Variants in AKAP12 observed in about 807,000 individuals in gnomAD.
AKAP12 encodes the protein A-kinase anchor protein 12.
Under a neutral mutation model 79.9 loss-of-function variants are expected in AKAP12, and 32 were observed. The ratio of observed to expected loss-of-function variants is 0.40; its 90% CI spans 0.30 to 0.54. AKAP12 has a LOEUF of 0.54. Among genes scored for constraint, AKAP12 ranks in the 20% least tolerant of loss-of-function variants. The pLI is 0.48. For synonymous variants in AKAP12, 808 were observed against 857.0 expected (o/e 0.94, Z 1.00); for missense variants, 2,074 against 2,177.0 (o/e 0.95, Z 0.94).
At chr6:151,259,143 C>G (rs1331453304) in intron 2 of AKAP12, among the ~76,000 whole-genome samples, 4 of 151,476 alleles carry the variant, frequency 2.6e-5, no homozygotes, top group African/African-American at 9.7e-5. Flanking sequence ...CTCCTGGGTT[C>G]AAGCAATTCT....
At chr6:151,321,911 T>TTG (rs1777400324) in intron 3 of AKAP12, among the ~76,000 whole-genome samples, 1 of 144,430 alleles carries the variant, frequency 6.9e-6, no homozygotes, top group Non-Finnish European at 1.5e-5. Flanking sequence ...ATGTTTTTTT[T>TTG]TTTTTTTTTT....
chr6:151,319,660 G>C (rs1193436770), intron 3 of AKAP12: 1 of 155,964 alleles, frequency 6.4e-6, no homozygotes, highest in Non-Finnish European at 1.5e-5. Context: ...AACAGGAGGT[G>C]AGGTCACCCC....
At position 151,259,507 on chromosome 6, in the gene AKAP12, TATATACAC is replaced by T. The variant is rs1406084270; in HGVS notation, c.162+18785_162+18792del. 3.9e-3 allele frequency among the ~76,000 whole-genome samples: 481 copies of T among 122,458 alleles called. 4 individuals are homozygous for T. The highest frequency in any genetic ancestry group is 5.6e-3 in the Non-Finnish European group (348 of 62,086). The allele number at this position is 122,458 out of a possible 152,430, so 80.3% of individuals were successfully genotyped here. A position where few individuals can be genotyped will look rare whatever the true frequency, so the allele number is the denominator to read the frequency against. ...ATACACACACATATACATGTATATA[TATATACAC>T]ACACACACACACACACACACACACA... On this transcript the variant is annotated intron_variant, in intron 2 of 4. Transcript: ENST00000402676.
In AKAP12 at chr6:151,351,898, T is replaced by C. The variant is rs765450412; in HGVS notation, c.3507T>C (p.Ser1169=). The change falls in exon 4 of 5, where the codon AGT becomes AGC. Residue 1169 remains serine, a synonymous_variant. Coordinates refer to ENST00000402676, the MANE Select transcript of AKAP12 (RefSeq NM_005100.4). The surrounding 1 kb of genome is among the most constrained non-coding windows in gnomAD (Gnocchi z 4.4). ...ACTCGGTGGAAACCCCTACAGACAGTGAGACTGATGGAAGCACCCCCGTAG... is the reference window on the plus strand; with the variant it reads ...ACTCGGTGGAAACCCCTACAGACAGCGAGACTGATGGAAGCACCCCCGTAG... ...PPDSVETPTD[S]ETDGSTPVAD... The C allele has an allele frequency of 2.5e-6, 4 of 1,613,636 alleles. No individual in the cohort carries two copies. The South Asian group carries it at 3.3e-5, about 13-fold the overall frequency.
chr6:151,262,252 G>A (rs1435811662), intron 2 of AKAP12, among the ~76,000 whole-genome samples: 1 of 152,168 alleles, frequency 6.6e-6, no homozygotes, highest in African/African-American at 2.4e-5. Context: ...ACTGCGCCCG[G>A]CCCAAAACAA....
intron 2 of AKAP12, among the ~76,000 whole-genome samples, chr6:151,254,372 G>T (rs1236718313): frequency 1.4e-5 from 2 of 143,572 alleles, no homozygotes; most frequent in Non-Finnish European, 3.0e-5. Flanking sequence ...TTTTGTTTGA[G>T]ACGGAGTTTC....
Position 151,351,682 on chromosome 6 carries a change from T to C in AKAP12, c.3291T>C (p.Asp1097=), listed in dbSNP as rs1459084812. 3 of 1,614,158 alleles carry C rather than the reference T, an allele frequency of 1.9e-6. No homozygotes were observed. Among genetic ancestry groups the C allele is most frequent in the Non-Finnish European group, 2.5e-6 (3 of 1,180,036 alleles). The change falls in exon 4 of 5, where the codon GAT becomes GAC. Residue 1097 remains aspartate (D), a synonymous_variant. Transcript: ENST00000402676. The surrounding 1 kb of genome is among the most constrained non-coding windows in gnomAD (Gnocchi z 4.4). ...KKETDVVLKV[D]AQEAKTEPFT... ...AGACGGATGTAGTGTTGAAAGTAGA[T>C]GCTCAGGAGGCAAAAACTGAGCCTT...
chr6:151,276,879 T>G (rs1776299615), intron 2 of AKAP12, among the ~76,000 whole-genome samples: 1 of 152,258 alleles, frequency 6.6e-6, no homozygotes. Flanking sequence ...ACTTGTCCTC[T>G]AAGTCTATCT....
At chr6:151,252,629 G>A (rs915308227) in intron 2 of AKAP12, among the ~76,000 whole-genome samples, 4 of 151,414 alleles carry the variant, frequency 2.6e-5, no homozygotes, top group African/African-American at 9.7e-5. Flanking sequence ...GGCTCATGGT[G>A]GACCTGGTAT....
Position 151,351,614 on chromosome 6 carries a change from G to A in AKAP12, c.3223G>A (p.Glu1075Lys). The A allele has an allele frequency of 6.2e-7, 1 of 1,614,176 alleles. No individual in the cohort carries two copies. Among genetic ancestry groups the A allele is most frequent in the Non-Finnish European group, 8.5e-7 (1 of 1,180,044 alleles). ...VLQPVQRAEA[E>K]RPEEQAEASG... Reference sequence around the variant, plus strand: ...TCAGCCTGTGCAGAGAGCAGAGGCAGAAAGACCAGAAGAGCAGGCTGAAGC... The same window carrying A: ...TCAGCCTGTGCAGAGAGCAGAGGCAAAAAGACCAGAAGAGCAGGCTGAAGC... Residue 1075 changes from glutamate to lysine, a missense_variant, in exon 4 of 5, where the codon GAA (glutamate) becomes AAA (lysine). Glu to Lys is a moderately conservative substitution (Grantham distance 56). Coordinates refer to ENST00000402676, the MANE Select transcript of AKAP12 (RefSeq NM_005100.4). The surrounding 1 kb of genome is among the most constrained non-coding windows in gnomAD (Gnocchi z 4.4).
intron 3 of AKAP12, among the ~76,000 whole-genome samples, chr6:151,338,972 A>G (rs1777882168): frequency 6.6e-6 from 1 of 152,160 alleles, no homozygotes; most frequent in Non-Finnish European, 1.5e-5. Context: ...TTCTTGCTTT[A>G]TCCAGCTTTC....
chr6:151,252,270 C>T lies in AKAP12; in HGVS notation c.162+11546C>T, dbSNP rs539579551. On this transcript the variant is annotated intron_variant, in intron 2 of 4. Transcript: ENST00000402676. ...CTGGAGTGCAGCAGCGCGATCTCAGCTTACTGCACCCCCGCCTCCCGGGTT... is the reference window on the plus strand; with the variant it reads ...CTGGAGTGCAGCAGCGCGATCTCAGTTTACTGCACCCCCGCCTCCCGGGTT... Among the ~76,000 whole-genome samples the T allele has an allele frequency of 1.3e-3, 202 of 151,800 alleles. No homozygotes were observed. In the Middle Eastern group the frequency reaches 0.031, roughly 23 times the overall value.
chr6:151,319,484 T>C (rs1024987102), intron 3 of AKAP12, among the ~76,000 whole-genome samples: 2 of 134,642 alleles, frequency 1.5e-5, no homozygotes, highest in African/African-American at 3.3e-5. Context: ...TATCTATCTA[T>C]CTACTATCTA....
intron 2 of AKAP12, among the ~76,000 whole-genome samples, chr6:151,276,166 C>CA (rs1430747758): frequency 3.9e-5 from 6 of 151,960 alleles, no homozygotes; most frequent in African/African-American, 1.5e-4. Context: ...CAGTGTAGAA[C>CA]AAAAAATCTT....
intron 3 of AKAP12, among the ~76,000 whole-genome samples, chr6:151,314,091 A>G (rs936685643): frequency 1.3e-5 from 2 of 149,066 alleles, no homozygotes; most frequent in Non-Finnish European, 3.0e-5. Flanking sequence ...ACAGTGGTGC[A>G]GTCTCAGCTC....
intron 2 of AKAP12, among the ~76,000 whole-genome samples, chr6:151,298,019 T>G (rs1299881398): frequency 6.6e-6 from 1 of 151,434 alleles, no homozygotes; most frequent in Non-Finnish European, 1.5e-5. Flanking sequence ...AAAACAGAGA[T>G]AGTATTAGTC....
rs151321177 is a variant in AKAP12 at position 151,346,913 on chromosome 6, C to T, written c.320-1798C>T. ...GACATTTCTTTTTTCCTTAAAGAAG[C>T]GCTCCCTTCTCCTCATTTACCTTTT... On this transcript the variant is annotated intron_variant, in intron 3 of 4. Transcript: ENST00000402676. 2.0e-3 allele frequency among the ~76,000 whole-genome samples: 310 copies of T among 152,226 alleles called. 2 individuals carry two copies. Among genetic ancestry groups the T allele is most frequent in the African/African-American group, 6.5e-3 (272 of 41,530 alleles).
In AKAP12 at chr6:151,352,695, C is replaced by A; in HGVS notation, c.4304C>A (p.Ala1435Asp). ...GAGGAAAAGGTCTTAGGAGAAACTG[C>A]CAACATTTTAGAAACAGGTGAAACG... ...AEEEKVLGET[A>D]NILETGETLE... Residue 1435 changes from alanine to aspartate, a missense_variant, in exon 4 of 5, where the codon GCC becomes GAC. Physicochemically the swap from Ala to Asp is moderately radical, Grantham distance 126 (BLOSUM62 -2). This residue lies in a region of AKAP12 where 614 missense variants were observed against 665.6 expected (regional missense o/e 0.92). Transcript: ENST00000402676. 1 of 1,614,144 alleles carries A rather than the reference C, an allele frequency of 6.2e-7. No individual in the cohort carries two copies. The highest frequency in any genetic ancestry group is 8.5e-7 in the Non-Finnish European group (1 of 1,180,024).
chr6:151,296,282 G>A (rs1360067351), intron 2 of AKAP12, among the ~76,000 whole-genome samples: 3 of 152,188 alleles, frequency 2.0e-5, no homozygotes, highest in African/African-American at 7.2e-5. Flanking sequence ...TGGTTGGAGA[G>A]AGCTTTTGAC....
Sources: gnomAD v4.1 joint callset for allele counts (sites outside exome capture counted in the v4.1 genomes callset) on GRCh38, gnomAD v4.1.1 for gene constraint, gnomAD v4.1.1 regional missense constraint, Gnocchi (gnomAD v3.1) non-coding constraint, MANE v1.5 for transcripts, NCBI Gene and HGNC (gene_info 2026-07-23, HGNC 2026-07-21) for gene names.